Variants in PTPRN2 observed in about 807,000 individuals in gnomAD.
PTPRN2 encodes receptor-type tyrosine-protein phosphatase N2.
PTPRN2 carries 74 observed loss-of-function variants against 118.8 expected under a neutral mutation model. The ratio of observed to expected loss-of-function variants is 0.62; its 90% confidence interval spans 0.52 to 0.76. The LOEUF (loss-of-function observed/expected upper bound fraction) is 0.76. PTPRN2 is among the 30% of genes least tolerant of loss of function. The pLI, the probability that PTPRN2 is intolerant of heterozygous loss-of-function variation, is 0.00. For missense variants in PTPRN2, 1,481 were observed against 1,394.4 expected, an observed-to-expected ratio of 1.06 and a Z score of -0.99; for synonymous variants, 641 against 608.0, an observed-to-expected ratio of 1.05 and a Z score of -0.80.
intron 5 of PTPRN2, among the ~76,000 whole-genome samples, chr7:158,177,188 A>G (rs564905901): frequency 6.6e-6 from 1 of 152,308 alleles, no homozygotes; most frequent in South Asian, 2.1e-4. Context: ...TACAGGTTAT[A>G]ACAGCTTGCA....
In PTPRN2 at chr7:157,560,774, G is replaced by A. The variant is rs1330992066; in HGVS notation, c.2902+8128C>T. Among the ~76,000 whole-genome samples, 1 of 152,172 alleles carries A rather than the reference G, an allele frequency of 6.6e-6. No homozygotes were observed. Among genetic ancestry groups the A allele is most frequent in the Non-Finnish European group, 1.5e-5 (1 of 68,024 alleles). ...TTTTCAGCCTGAAACTTGCCTGAGC[G>A]AGACAAGAGACACTGCGGGCCCAAC... On this transcript the variant is annotated intron_variant, in intron 21 of 22. Coordinates refer to ENST00000389418, the MANE Select transcript of PTPRN2 (RefSeq NM_002847.5). The surrounding 1 kb of genome is among the most constrained non-coding windows in gnomAD (Gnocchi z 6.7).
intron 3 of PTPRN2, among the ~76,000 whole-genome samples, chr7:158,251,140 T>A (rs1796630015): frequency 6.6e-6 from 1 of 152,112 alleles, no homozygotes. Context: ...TAGCAGGCTC[T>A]CAAGAACCAC....
At chr7:158,078,096 A>C (rs10238207) in intron 11 of PTPRN2, among the ~76,000 whole-genome samples, 73,054 of 152,022 alleles carry the variant, frequency 0.48, 20,622 homozygotes, top group South Asian at 0.74. Context: ...GAGTAATGGA[A>C]AGCAGCTGCC....
chr7:158,397,959 G>T (rs1030872078), intron 2 of PTPRN2, among the ~76,000 whole-genome samples: 39 of 152,130 alleles, frequency 2.6e-4, no homozygotes, highest in Non-Finnish European at 4.9e-4. Flanking sequence ...AGTAGGAACC[G>T]GAGGGACGGC....
chr7:158,422,802 T>G (rs1334031133), intron 2 of PTPRN2, among the ~76,000 whole-genome samples: 1 of 152,242 alleles, frequency 6.6e-6, no homozygotes, highest in Non-Finnish European at 1.5e-5. Context: ...TGCCGGCTTC[T>G]GGGGCCACCA....
Position 157,765,563 on chromosome 7 carries a change from AC to A in PTPRN2, c.1789-82627del, listed in dbSNP as rs1243911326. ...TCCATCATCCATTTTTCCTCCATCC[AC>A]CCATCCACTCATCCATCCATCCATC... On this transcript the variant is annotated intron_variant, in intron 12 of 22. Transcript: ENST00000389418. Among the ~76,000 whole-genome samples, 3 of 111,744 alleles carry A rather than the reference AC, an allele frequency of 2.7e-5. No homozygotes were observed. In the Admixed American group the frequency reaches 2.9e-4, roughly 11 times the overall value. 73.3% of individuals were successfully genotyped at this position (111,744 alleles called of 152,430 possible).
At chr7:158,004,659 C>T (rs796515246) in intron 11 of PTPRN2, among the ~76,000 whole-genome samples, 9 of 152,304 alleles carry the variant, frequency 5.9e-5, no homozygotes, top group African/African-American at 2.2e-4. Context: ...TCCCACTATA[C>T]TCTGCTCTTC....
At chr7:157,809,147 G>T (rs571746548) in intron 12 of PTPRN2, among the ~76,000 whole-genome samples, 2 of 152,376 alleles carry the variant, frequency 1.3e-5, no homozygotes, top group East Asian at 1.9e-4. Flanking sequence ...AAGTAAGAAG[G>T]TTTCGAAAGC....
intron 11 of PTPRN2, among the ~76,000 whole-genome samples, chr7:157,996,394 G>A (rs1804742968): frequency 6.6e-6 from 1 of 152,214 alleles, no homozygotes; most frequent in South Asian, 2.1e-4. Context: ...CACGTAGTAA[G>A]ACCGCACTTG....
In PTPRN2 at chr7:157,978,840, G is replaced by A. The variant is rs538388801; in HGVS notation, c.1724-80103C>T. On this transcript the variant is annotated intron_variant, in intron 11 of 22. Coordinates refer to ENST00000389418, the MANE Select transcript of PTPRN2 (RefSeq NM_002847.5). ...GGTTTTGGGGCCAACCTCACTGCTC[G>A]TGGGGCTGACAGACGAGACCCCAGG... Among the ~76,000 whole-genome samples, 16 of 152,154 alleles carry A rather than the reference G, an allele frequency of 1.1e-4. No individual in the cohort carries two copies. In the East Asian group the frequency reaches 1.5e-3, roughly 15 times the overall value.
Position 158,133,943 on chromosome 7 carries a change from G to A in PTPRN2, c.1290C>T (p.His430=), listed in dbSNP as rs557584329. ...CTTCTGAAGACAGGGAAGACTCAGG[G>A]TGCTCGGACTTCTTCCTCTCCATGT... is the stretch of plus-strand genomic sequence containing the variant. The part of the protein sequence containing the change: ...PLDMERKKSE[H]PESSLSSEEE... The change falls in exon 9 of 23, where the codon CAC becomes CAT. Residue 430 remains histidine, a synonymous_variant. Transcript: ENST00000389418. 1 of 1,613,920 alleles carries A rather than the reference G, an allele frequency of 6.2e-7. No homozygotes were observed. Among genetic ancestry groups the A allele is most frequent in the Admixed American group, 1.7e-5 (1 of 60,010 alleles).
intron 3 of PTPRN2, among the ~76,000 whole-genome samples, chr7:158,310,996 C>T (rs747150994): frequency 2.0e-5 from 3 of 152,162 alleles, no homozygotes; most frequent in Non-Finnish European, 4.4e-5. Flanking sequence ...GCCTGGAGGT[C>T]GGGTAGGGGG....
intron 2 of PTPRN2, among the ~76,000 whole-genome samples, chr7:158,394,841 C>A (rs543090841): frequency 8.0e-4 from 122 of 152,336 alleles, no homozygotes; most frequent in African/African-American, 2.8e-3. Flanking sequence ...ACAGCCCTGA[C>A]CAGAGGCATT....
chr7:157,753,201 TG>T (rs1281408827), intron 12 of PTPRN2, among the ~76,000 whole-genome samples: 1 of 152,194 alleles, frequency 6.6e-6, no homozygotes, highest in Admixed American at 6.5e-5. Context: ...CCCCGCGCAG[TG>T]GGCTTCTGTC....
intron 3 of PTPRN2, among the ~76,000 whole-genome samples, chr7:158,233,709 G>C (rs1829322837): frequency 2.0e-5 from 3 of 152,178 alleles, no homozygotes; most frequent in Non-Finnish European, 4.4e-5. Flanking sequence ...CATATGACCT[G>C]ACTTCGAAAT....
chr7:158,221,172 G>A (rs982920664), intron 3 of PTPRN2, among the ~76,000 whole-genome samples: 1 of 152,088 alleles, frequency 6.6e-6, no homozygotes, highest in African/African-American at 2.4e-5. Context: ...GTATGCAGAA[G>A]ATTGAAACTT....
In PTPRN2 at chr7:158,523,296, G is replaced by A. The variant is rs115440986; in HGVS notation, c.113-33511C>T. On this transcript the variant is annotated intron_variant, in intron 1 of 22. Coordinates refer to ENST00000389418, the MANE Select transcript of PTPRN2 (RefSeq NM_002847.5). ...CACGTCCCACGGTGAGGGCTGGTGC[G>A]GACAAGAGATTAGCCAAAGGAGCAG... 8.5e-3 allele frequency among the ~76,000 whole-genome samples: 1,291 copies of A among 152,222 alleles called. 17 individuals carry two copies. The highest frequency in any genetic ancestry group is 0.029 in the African/African-American group (1,215 of 41,532).
At chr7:158,464,942 A>T (rs956499055) in intron 2 of PTPRN2, among the ~76,000 whole-genome samples, 4 of 152,254 alleles carry the variant, frequency 2.6e-5, no homozygotes, top group Non-Finnish European at 4.4e-5. Flanking sequence ...CCTTCAGATC[A>T]ATGTATTATC....
At chr7:158,296,879 C>T (rs1177261024) in intron 3 of PTPRN2, among the ~76,000 whole-genome samples, 1 of 152,206 alleles carries the variant, frequency 6.6e-6, no homozygotes, top group Non-Finnish European at 1.5e-5. Flanking sequence ...GGCCACCTGG[C>T]CCACAGGAAG....
Sources: allele counts gnomAD v4.1 joint callset (sites outside exome capture counted in the v4.1 genomes callset), GRCh38; gene constraint gnomAD v4.1.1; non-coding constraint Gnocchi (gnomAD v3.1); transcripts MANE v1.5; gene names NCBI Gene and HGNC (gene_info 2026-07-23, HGNC 2026-07-21).